The following TRMT5 variants were observed in gnomAD, a reference collection of about 807,000 sequenced individuals.
TRMT5 encodes tRNA (guanine(37)-N(1))-methyltransferase.
Under a neutral mutation model 42.2 loss-of-function variants are expected in TRMT5, and 31 were observed. That is an observed-to-expected ratio of 0.73 (90% CI 0.55 to 0.99). The LOEUF (loss-of-function observed/expected upper bound fraction) is 0.99, where lower values mean the gene tolerates loss of function less well. Ranked by LOEUF, TRMT5 falls within the 50% of genes least tolerant of loss-of-function variation. The pLI, the probability that TRMT5 is intolerant of heterozygous loss-of-function variation, is 0.00. For synonymous variants in TRMT5, 198 were observed against 209.6 expected (o/e 0.94, Z 0.48); for missense variants, 568 against 595.0 (o/e 0.95, Z 0.47).
upstream of TRMT5, chr14:60,981,155 T>C (rs1594932535): frequency 7.1e-6 from 11 of 1,540,740 alleles, no homozygotes; most frequent in East Asian, 1.7e-4. Flanking sequence ...TTCCAGGCCC[T>C]GGTGAAGTAC....
intron 3 of TRMT5, 116 bp from the exon 4 acceptor site, chr14:60,976,242 T>C (rs2036845513): frequency 3.3e-6 from 4 of 1,198,098 alleles, no homozygotes; most frequent in East Asian, 2.4e-5. Flanking sequence ...AGTTTACTAC[T>C]GTAAGAGCCA....
At chr14:60,981,422 C>G (rs1401744277), upstream of TRMT5, 1 of 1,554,454 alleles carries the variant, frequency 6.4e-7, no homozygotes, top group East Asian at 2.4e-5. Flanking sequence ...TGACGCCCTC[C>G]GGCTTCCCTC....
rs765192728 is a variant in TRMT5 at position 60,975,623 on chromosome 14, C to G, written c.1296G>C (p.Arg432=). ...SKDANPAEDV[R]QRAGAVLGIS... is the part of the protein sequence containing the mutation. ...TGCCTAACACAGCTCCAGCCCTTTGCCGAACATCCTCAGCAGGGTTAGCAT... is the reference window on the plus strand; with the variant it reads ...TGCCTAACACAGCTCCAGCCCTTTGGCGAACATCCTCAGCAGGGTTAGCAT... The change falls in exon 4 of 5, where the codon CGG becomes CGC. Residue 432 remains arginine, a synonymous_variant. Transcript: ENST00000261249. The G allele has an allele frequency of 5.0e-6, 8 of 1,614,166 alleles. No homozygotes were observed. The highest frequency in any genetic ancestry group is 5.9e-6 in the Non-Finnish European group (7 of 1,180,032).
At chr14:60,976,861 A>C (rs1257811082) in intron 3 of TRMT5, among the ~76,000 whole-genome samples, 1 of 152,200 alleles carries the variant, frequency 6.6e-6, no homozygotes, top group Non-Finnish European at 1.5e-5. Context: ...CTTAAAAAAC[A>C]GAAAATAAAA....
chr14:60,980,772 C>T (rs1467556488), intron 1 of TRMT5, 191 bp downstream of exon 1: 1 of 817,918 alleles, frequency 1.2e-6, no homozygotes, highest in Non-Finnish European at 1.9e-6. Context: ...TCGGTTTTCC[C>T]ACCAGTAAAA....
chr14:60,976,123 G>T lies in TRMT5; in HGVS notation c.796C>A (p.Arg266=). The T allele has an allele frequency of 6.3e-7, 1 of 1,596,650 alleles. No individual in the cohort carries two copies. The highest frequency in any genetic ancestry group is 8.5e-7 in the Non-Finnish European group (1 of 1,172,576). The change falls in exon 4 of 5, where the codon CGA becomes AGA. Residue 266 remains arginine (R), a synonymous_variant. Coordinates refer to ENST00000261249, the MANE Select transcript of TRMT5 (RefSeq NM_020810.3). ...AATTCATAGGTGTAGTTGTTTTCTC[G>T]AACCTGAAAAAAGGTGTTATGCTTT... ...SGEQNMMTKV[R]ENNYTYEFDF... is the part of the protein sequence containing the mutation.
chr14:60,971,673 A>T lies in TRMT5; in HGVS notation c.*3436T>A. On this transcript the variant is annotated 3_prime_UTR_variant, in exon 5 of 5. Transcript: ENST00000261249. ...ACATTTCACATTTAGCATGTTGTTT[A>T]ACAACTTTTCACAAGCCAACCCTGA... 5.9e-6 allele frequency: 1 copy of T among 169,956 alleles called. No individual in the cohort carries two copies. The highest frequency in any genetic ancestry group is 1.2e-5 in the Non-Finnish European group (1 of 80,444). 10.5% of individuals were successfully genotyped at this position (169,956 alleles called of 1,614,324 possible). A position where few individuals can be genotyped will look rare whatever the true frequency, so the allele number is the denominator to read the frequency against.
Position 60,977,538 on chromosome 14 carries a change from A to C in TRMT5, c.768T>G (p.Ser256=), listed in dbSNP as rs1039038796. ...MYRNFQMEVL[S]GEQNMMTKVR... ...CCTTTGTCATCATGTTCTGCTCTCC[A>C]GATAGCACTTCCATTTGGAAATTTC... Residue 256 remains serine, a synonymous_variant, in exon 3 of 5, where the codon TCT becomes TCG. Coordinates refer to ENST00000261249, the MANE Select transcript of TRMT5 (RefSeq NM_020810.3). The C allele has an allele frequency of 6.2e-7, 1 of 1,611,398 alleles. No individual in the cohort carries two copies. The highest frequency in any genetic ancestry group is 2.2e-5 in the East Asian group (1 of 44,736).
chr14:60,981,232 G>C (rs1301154305), upstream of TRMT5: 3 of 1,565,912 alleles, frequency 1.9e-6, no homozygotes, highest in Admixed American at 1.9e-5. Flanking sequence ...GCGCAGGGCA[G>C]GGGTAGAGGC....
At position 60,980,895 on chromosome 14, in the gene TRMT5, A is replaced by C. The variant is rs570848678; in HGVS notation, c.11+68T>G. 2.2e-5 allele frequency: 36 copies of C among 1,609,174 alleles called. No individual in the cohort carries two copies. The Admixed American group carries it at 4.0e-4, about 18-fold the overall frequency. Reference sequence around the variant, plus strand: ...TTTCTGTGCCCAGGCAGCACATGGCAGAGAGCAGCCCTGGGCGGGCTGGTA... The same window carrying C: ...TTTCTGTGCCCAGGCAGCACATGGCCGAGAGCAGCCCTGGGCGGGCTGGTA... On this transcript the variant is annotated intron_variant, in intron 1 of 4. Coordinates refer to ENST00000261249, the MANE Select transcript of TRMT5 (RefSeq NM_020810.3).
rs1435215109 is a variant in TRMT5, at chr14:60,981,017, C to T, written c.-44G>A. On this transcript the variant is annotated 5_prime_UTR_variant, in exon 1 of 5. Transcript: ENST00000261249. The stretch of plus-strand genomic sequence containing the variant: ...TCTGCAGCTGGATCCGCGAGCCGAC[C>T]CCTCACCTCCCGCTCCGGTACCGAT... 6.2e-7 allele frequency: 1 copy of T among 1,611,130 alleles called. No individual in the cohort carries two copies. Among genetic ancestry groups the T allele is most frequent in the Non-Finnish European group, 8.5e-7 (1 of 1,180,028 alleles).
chr14:60,976,082 G>C lies in TRMT5; in HGVS notation c.837C>G (p.Val279=), dbSNP rs1363165533. The change falls in exon 4 of 5, where the codon GTC becomes GTG. Residue 279 remains valine, a synonymous_variant. Transcript: ENST00000261249. ...NYTYEFDFSK[V]YWNPRLSTEH... ...CTGTAGACAGACGAGGATTCCAATA[G>C]ACTTTTGAAAAATCAAATTCATAGG... 2.5e-6 allele frequency: 4 copies of C among 1,611,226 alleles called. No homozygotes were observed. Among genetic ancestry groups the C allele is most frequent in the Non-Finnish European group, 3.4e-6 (4 of 1,178,928 alleles).
rs2036821834 is a variant in TRMT5 at position 60,974,872 on chromosome 14, C to T, written c.*237G>A. On this transcript the variant is annotated 3_prime_UTR_variant, in exon 5 of 5. Transcript: ENST00000261249. ...AGAGAAAATATTTATTCATATTTAT[C>T]CAATAAAAATTAGATATATTTTGTT... 4.1e-6 allele frequency: 1 copy of T among 242,536 alleles called. No homozygotes were observed. Among genetic ancestry groups the T allele is most frequent in the Non-Finnish European group, 7.9e-6 (1 of 126,796 alleles). The allele number at this position is 242,536 out of a possible 1,614,324, so 15.0% of individuals were successfully genotyped here.
intron 2 of TRMT5, 116 bp from the exon 3 acceptor site, chr14:60,977,754 T>A: frequency 9.9e-7 from 1 of 1,005,654 alleles, no homozygotes; most frequent in Non-Finnish European, 1.4e-6. Flanking sequence ...AGACTGCACC[T>A]ACTGTGTGTA....
chr14:60,978,723 GTATT>G (rs1445576633), intron 2 of TRMT5, among the ~76,000 whole-genome samples: 2 of 152,138 alleles, frequency 1.3e-5, no homozygotes, highest in African/African-American at 4.8e-5. Flanking sequence ...ATCTGCTTAA[GTATT>G]TATGTTACCA....
In TRMT5 at chr14:60,972,712, A is replaced by G. The variant is rs573703517; in HGVS notation, c.*2397T>C. 94 of 254,238 alleles carry G rather than the reference A, an allele frequency of 3.7e-4. No individual in the cohort carries two copies. Among genetic ancestry groups the G allele is most frequent in the Non-Finnish European group, 6.2e-4 (81 of 129,748 alleles). The allele number at this position is 254,238 out of a possible 1,614,324, so 15.7% of individuals were successfully genotyped here. On this transcript the variant is annotated 3_prime_UTR_variant, in exon 5 of 5. Transcript: ENST00000261249. ...CAAAATCAGTTGTAAATGATTGCCTATTAATGGTTATCATTAACCATCATT... is the reference window on the plus strand; with the variant it reads ...CAAAATCAGTTGTAAATGATTGCCTGTTAATGGTTATCATTAACCATCATT...
At chr14:60,981,615 G>A (rs1374354611), upstream of TRMT5, 10 of 1,476,134 alleles carry the variant, frequency 6.8e-6, no homozygotes, top group African/African-American at 1.4e-5. Context: ...GCGTCGGGTG[G>A]AAGAGATGCA....
Position 60,973,701 on chromosome 14 carries a change from T to C in TRMT5, c.*1408A>G, listed in dbSNP as rs193301909. The C allele has an allele frequency of 1.4e-3, 213 of 152,342 alleles. No individual in the cohort carries two copies. Among genetic ancestry groups the C allele is most frequent in the African/African-American group, 4.6e-3 (190 of 41,566 alleles). 9.4% of individuals were successfully genotyped at this position (152,342 alleles called of 1,614,324 possible). On this transcript the variant is annotated 3_prime_UTR_variant, in exon 5 of 5. Coordinates refer to ENST00000261249, the MANE Select transcript of TRMT5 (RefSeq NM_020810.3). ...AAGAACCATCCAGAATCATTTCCTTTTTAAAGTGACTATTTATGTCGCTTT... is the reference window on the plus strand; with the variant it reads ...AAGAACCATCCAGAATCATTTCCTTCTTAAAGTGACTATTTATGTCGCTTT...
At chr14:60,980,434 G>A (rs1486842896) in intron 1 of TRMT5, among the ~76,000 whole-genome samples, 4 of 152,184 alleles carry the variant, frequency 2.6e-5, no homozygotes, top group African/African-American at 9.7e-5. Flanking sequence ...CTGATAAGTG[G>A]CTAAACATGG....
Sources: allele counts gnomAD v4.1 joint callset (sites outside exome capture counted in the v4.1 genomes callset), GRCh38; gene constraint gnomAD v4.1.1; transcripts MANE v1.5; gene names NCBI Gene and HGNC (gene_info 2026-07-23, HGNC 2026-07-21).